DNAJC7: variants seen among roughly 807,000 people sequenced by gnomAD.
The protein encoded by DNAJC7 is dnaJ homolog subfamily C member 7.
A neutral mutation model predicts 67.4 loss-of-function variants in DNAJC7; 18 were observed. The observed-to-expected ratio is 0.27, with a 90% confidence interval of 0.18 to 0.40. The LOEUF is 0.40. DNAJC7 is among the 10% of genes least tolerant of loss of function. DNAJC7 has a pLI of 1.00. For missense variants in DNAJC7, 419 were observed against 613.8 expected (o/e 0.68, Z 3.35); for synonymous variants, 220 against 207.8 (o/e 1.06, Z -0.50).
intron 5 of DNAJC7, among the ~76,000 whole-genome samples, chr17:41,993,116 T>TA (rs1237730144): frequency 6.6e-6 from 1 of 152,126 alleles, no homozygotes; most frequent in Non-Finnish European, 1.5e-5. Context: ...CATTACCAAA[T>TA]AAAAGACCAT....
intron 9 of DNAJC7, among the ~76,000 whole-genome samples, chr17:41,987,040 C>T (rs182720251): frequency 5.3e-5 from 8 of 152,192 alleles, no homozygotes; most frequent in South Asian, 2.1e-4. Context: ...AGTTTTTCTC[C>T]GCCTAGAGAA....
Position 41,987,925 on chromosome 17 carries a change from G to C in DNAJC7, c.919-15C>G, listed in dbSNP as rs782631526. On this transcript the variant is annotated splice_polypyrimidine_tract_variant and intron_variant, in intron 8 of 13. Coordinates refer to ENST00000457167, the MANE Select transcript of DNAJC7 (RefSeq NM_003315.4). ...AGTTTCCTAAGCTTCAGGAGAGAGA[G>C]AGCAATCATACTTCACACCTTTGGT... 57 of 1,601,844 alleles carry C rather than the reference G, an allele frequency of 3.6e-5. No homozygotes were observed. The highest frequency in any genetic ancestry group is 4.3e-5 in the Non-Finnish European group (50 of 1,173,370).
At chr17:42,002,332 G>A (rs118144163) in intron 1 of DNAJC7, among the ~76,000 whole-genome samples, 4 of 152,278 alleles carry the variant, frequency 2.6e-5, no homozygotes, top group East Asian at 1.9e-4. Context: ...TGAGGAAAAC[G>A]AAGACATCTA....
intron 2 of DNAJC7, among the ~76,000 whole-genome samples, chr17:41,997,731 A>G (rs370675983): frequency 3.3e-5 from 5 of 152,220 alleles, no homozygotes; most frequent in African/African-American, 1.2e-4. Flanking sequence ...CACAGGCTAC[A>G]GTGCTGTGGT....
Position 42,016,837 on chromosome 17 carries a change from G to A in DNAJC7, c.77+503C>T, listed in dbSNP as rs543402995. ...TTCTGGGATAACCGGGGGCAACCAG[G>A]TCAATTATGGAGACACACAATCACT... On this transcript the variant is annotated intron_variant, in intron 1 of 13. Coordinates refer to ENST00000457167, the MANE Select transcript of DNAJC7 (RefSeq NM_003315.4). 3.7e-5 allele frequency: 21 copies of A among 572,188 alleles called. No individual in the cohort carries two copies. In the African/African-American group the frequency reaches 4.1e-4, roughly 11 times the overall value. 35.4% of individuals were successfully genotyped at this position (572,188 alleles called of 1,614,324 possible).
Position 41,980,112 on chromosome 17 carries a change from C to T in DNAJC7, c.1384+1743G>A, listed in dbSNP as rs541332106. ...GTCGCCAGGCTGGAGTGCAGTGGTG[C>T]GATCTCAGCTCATTGCAACCTCCGC... On this transcript the variant is annotated intron_variant, in intron 12 of 13. Coordinates refer to ENST00000457167, the MANE Select transcript of DNAJC7 (RefSeq NM_003315.4). 9.0e-4 allele frequency among the ~76,000 whole-genome samples: 131 copies of T among 144,862 alleles called. 2 individuals are homozygous for T. The highest frequency in any genetic ancestry group is 8.2e-3 in the Admixed American group (118 of 14,344).
intron 6 of DNAJC7, 82 bp downstream of exon 6, chr17:41,990,182 C>G: frequency 1.5e-6 from 2 of 1,362,050 alleles, no homozygotes; most frequent in Non-Finnish European, 2.0e-6. Flanking sequence ...ACTCTGGGGA[C>G]CATATCCTGT....
rs374639953 is a variant in DNAJC7, at chr17:41,980,019, G to GT, written c.1384+1835dup. The stretch of plus-strand genomic sequence containing the variant: ...ATAGATTTTCTTAGTGGAAGAGATG[G>GT]TAGGTCTGTTCACCATTCACAGGTC... On this transcript the variant is annotated intron_variant, in intron 12 of 13. Coordinates refer to ENST00000457167, the MANE Select transcript of DNAJC7 (RefSeq NM_003315.4). Among the ~76,000 whole-genome samples, 4 of 151,042 alleles carry GT rather than the reference G, an allele frequency of 2.6e-5. No individual in the cohort carries two copies. The East Asian group carries it at 7.8e-4, about 30-fold the overall frequency.
At chr17:41,976,801 C>T in intron 13 of DNAJC7, 31 bp from the exon 14 acceptor site, 1 of 1,600,174 alleles carries the variant, frequency 6.2e-7, no homozygotes, top group Non-Finnish European at 8.5e-7. Context: ...TGGTAGTTGG[C>T]TATGGATTTT....
intron 7 of DNAJC7, among the ~76,000 whole-genome samples, chr17:41,989,187 C>G (rs1258739892): frequency 5.3e-5 from 8 of 152,166 alleles, no homozygotes; most frequent in African/African-American, 1.9e-4. Flanking sequence ...CAAAAAAACC[C>G]TCTTAGATAT....
intron 1 of DNAJC7, among the ~76,000 whole-genome samples, chr17:42,008,470 C>T (rs986216858): frequency 7.3e-5 from 11 of 149,684 alleles, no homozygotes; most frequent in African/African-American, 1.7e-4. Flanking sequence ...AGTGCAGTGG[C>T]GCCATCTCGG....
At chr17:41,996,523 C>G in intron 3 of DNAJC7, 99 bp from the exon 4 acceptor site, 1 of 1,035,020 alleles carries the variant, frequency 9.7e-7, no homozygotes. Context: ...ACACAGAGGC[C>G]AGGCGCGGTG....
At chr17:41,994,100 G>T (rs1264184011) in intron 5 of DNAJC7, among the ~76,000 whole-genome samples, 5 of 151,164 alleles carry the variant, frequency 3.3e-5, no homozygotes, top group Admixed American at 2.0e-4. Context: ...CACTTTGGGA[G>T]GCTGAGGCGG....
intron 4 of DNAJC7, 23 bp from the exon 5 acceptor site, chr17:41,994,967 G>A (rs1555648381): frequency 6.2e-7 from 1 of 1,604,432 alleles, no homozygotes; most frequent in East Asian, 2.2e-5. Context: ...ATCAGACATA[G>A]GAAAGTTTTA....
At chr17:42,006,461 T>C (rs932357166) in intron 1 of DNAJC7, among the ~76,000 whole-genome samples, 1 of 151,510 alleles carries the variant, frequency 6.6e-6, no homozygotes, top group African/African-American at 2.4e-5. Context: ...CAGCAAACCA[T>C]GTTCCTGCAG....
intron 13 of DNAJC7, 91 bp downstream of exon 13, chr17:41,977,169 TG>T (rs1296803625): frequency 1.5e-6 from 2 of 1,298,688 alleles, no homozygotes; most frequent in Admixed American, 2.1e-5. Context: ...CCCCCGCTCA[TG>T]GGCCCCTCTG....
intron 5 of DNAJC7, among the ~76,000 whole-genome samples, chr17:41,991,814 G>C (rs1455445864): frequency 6.6e-6 from 1 of 152,078 alleles, no homozygotes; most frequent in Non-Finnish European, 1.5e-5. Context: ...TGAGTAGTTG[G>C]GACTGCAGGC....
At chr17:41,995,936 G>A (rs1353635150) in intron 4 of DNAJC7, among the ~76,000 whole-genome samples, 1 of 152,186 alleles carries the variant, frequency 6.6e-6, no homozygotes, top group Admixed American at 6.5e-5. Context: ...CTGAGTGGCT[G>A]GGAGCACAGG....
intron 8 of DNAJC7, 124 bp from the exon 9 acceptor site, chr17:41,988,034 G>T (rs1245743293): frequency 1.2e-5 from 9 of 761,492 alleles, no homozygotes; most frequent in Non-Finnish European, 1.5e-5. Context: ...GTCATATTAA[G>T]TTCTAGTTCT....
Sources: gnomAD v4.1 joint callset for allele counts (sites outside exome capture counted in the v4.1 genomes callset) on GRCh38, gnomAD v4.1.1 for gene constraint, MANE v1.5 for transcripts, NCBI Gene and HGNC (gene_info 2026-07-23, HGNC 2026-07-21) for gene names.